The following SLC25A48 variants were observed in gnomAD, a reference collection of about 807,000 sequenced individuals.
SLC25A48 encodes the protein CTC-321K16.1.
Under a neutral mutation model 32.2 loss-of-function variants are expected in SLC25A48, and 29 were observed. The observed-to-expected ratio is 0.90, with a 90% CI of 0.67 to 1.23. The LOEUF (loss-of-function observed/expected upper bound fraction) is 1.23. Among genes scored for constraint, SLC25A48 ranks in the 50% most tolerant of loss-of-function variants. The pLI, the probability that SLC25A48 is intolerant of heterozygous loss-of-function variation, is 0.00. For missense variants in SLC25A48, 399 were observed against 422.7 expected (o/e 0.94, Z 0.49); for synonymous variants, 164 against 172.3 (o/e 0.95, Z 0.38).
At chr5:135,604,376 A>G (rs1751880689) in intron 1 of SLC25A48, among the ~76,000 whole-genome samples, 4 of 152,256 alleles carry the variant, frequency 2.6e-5, no homozygotes, top group Admixed American at 2.6e-4. Flanking sequence ...TCGGGCAGGT[A>G]TAAGTGCCCC....
chr5:135,861,188 T>C (rs577184522), intron 4 of SLC25A48, among the ~76,000 whole-genome samples: 2 of 152,320 alleles, frequency 1.3e-5, no homozygotes, highest in African/African-American at 4.8e-5. Context: ...GACAATTTCA[T>C]GTCCTGTTTT....
chr5:135,729,784 G>T (rs1352711586), intron 3 of SLC25A48, among the ~76,000 whole-genome samples: 1 of 152,108 alleles, frequency 6.6e-6, no homozygotes, highest in Non-Finnish European at 1.5e-5. Flanking sequence ...TCATCTAAAA[G>T]TAATAGGAAG....
intron 4 of SLC25A48, among the ~76,000 whole-genome samples, chr5:135,823,046 G>T (rs553854597): frequency 6.6e-6 from 1 of 152,232 alleles, no homozygotes; most frequent in African/African-American, 2.4e-5. Context: ...TCTGGCTTAG[G>T]ACAGGGACCT....
chr5:135,743,398 G>A (rs1755557353), intron 3 of SLC25A48, among the ~76,000 whole-genome samples: 1 of 151,896 alleles, frequency 6.6e-6, no homozygotes, highest in Admixed American at 6.6e-5. Context: ...TGTGACAGGA[G>A]AGGTACTGCT....
intron 1 of SLC25A48, among the ~76,000 whole-genome samples, chr5:135,599,082 G>A (rs149698817): frequency 3.2e-4 from 48 of 152,210 alleles, no homozygotes; most frequent in South Asian, 4.2e-4. Flanking sequence ...CTCTGGGGTC[G>A]TCTTGGCCAA....
At chr5:135,836,983 ACAC>A (rs1758587425) in intron 1 of SLC25A48, among the ~76,000 whole-genome samples, 4 of 15,140 alleles carry the variant, frequency 2.6e-4, no homozygotes, top group Admixed American at 8.6e-4. Context: ...CCCCCCCCCC[ACAC>A]ACACACACAT....
intron 3 of SLC25A48, among the ~76,000 whole-genome samples, chr5:135,710,913 T>C (rs1580804674): frequency 6.6e-6 from 1 of 152,252 alleles, no homozygotes; most frequent in Non-Finnish European, 1.5e-5. Flanking sequence ...TATTAAGTTC[T>C]TTCCTAAAAA....
Position 135,604,691 on chromosome 5 carries a change from G to A in SLC25A48, c.-848-24546G>A, listed in dbSNP as rs549432877. On this transcript the variant is annotated intron_variant, in intron 1 of 10. Coordinates refer to the SLC25A48 transcript ENST00000646290. ...TAACTCAGAGAGCTGGAGGGACTTT[G>A]ACTAGAGGGGACTTTGAGGTCTTAA... Among the ~76,000 whole-genome samples, 4 of 152,336 alleles carry A rather than the reference G, an allele frequency of 2.6e-5. No individual in the cohort carries two copies. The South Asian group carries it at 8.3e-4, about 32-fold the overall frequency.
intron 6 of SLC25A48, 24 bp downstream of exon 6, chr5:135,874,178 G>C: frequency 7.0e-7 from 1 of 1,424,546 alleles, no homozygotes; most frequent in Non-Finnish European, 9.1e-7. Context: ...AGGCCTGCGG[G>C]GTCAGTGTCA....
intron 1 of SLC25A48, among the ~76,000 whole-genome samples, chr5:135,593,973 T>G (rs1310322413): frequency 6.6e-6 from 1 of 152,240 alleles, no homozygotes; most frequent in Non-Finnish European, 1.5e-5. Context: ...CCACAGGAAC[T>G]GCATCATCTT....
chr5:135,768,156 A>T (rs1273593940), intron 3 of SLC25A48, among the ~76,000 whole-genome samples: 1 of 131,002 alleles, frequency 7.6e-6, no homozygotes, highest in African/African-American at 2.9e-5. Context: ...TGGGGTGTAC[A>T]CCCACTGCGA....
chr5:135,644,646 C>T (rs1404321147), intron 3 of SLC25A48, among the ~76,000 whole-genome samples: 1 of 152,158 alleles, frequency 6.6e-6, no homozygotes, highest in Non-Finnish European at 1.5e-5. Flanking sequence ...CCTGAGGCCA[C>T]CCAGCTGATG....
At chr5:135,874,234 G>A (rs1318634626) in intron 6 of SLC25A48, 80 bp downstream of exon 6, 2 of 1,371,874 alleles carry the variant, frequency 1.5e-6, no homozygotes, top group Non-Finnish European at 1.9e-6. Context: ...TGGGACTATA[G>A]AGAAGGGAAT....
chr5:135,796,181 C>G (rs377011121), intron 3 of SLC25A48, among the ~76,000 whole-genome samples: 14 of 151,602 alleles, frequency 9.2e-5, no homozygotes, highest in African/African-American at 3.1e-4. Context: ...TGTGTTCAGC[C>G]CCCTGTGATA....
intron 3 of SLC25A48, among the ~76,000 whole-genome samples, chr5:135,798,056 A>C (rs1757231305): frequency 6.6e-6 from 1 of 151,940 alleles, no homozygotes; most frequent in Non-Finnish European, 1.5e-5. Flanking sequence ...TATCAAGGGA[A>C]AAGAGAATGA....
At chr5:135,876,554 GA>G (rs1459473769) in intron 6 of SLC25A48, among the ~76,000 whole-genome samples, 1 of 151,988 alleles carries the variant, frequency 6.6e-6, no homozygotes, top group Non-Finnish European at 1.5e-5. Flanking sequence ...GGTAATGTAT[GA>G]ACATAGGAAG....
intron 7 of SLC25A48, among the ~76,000 whole-genome samples, chr5:135,882,459 T>A (rs1036148181): frequency 6.6e-6 from 1 of 152,156 alleles, no homozygotes. Flanking sequence ...GGTGCCAAGC[T>A]GTCCCTAAGA....
chr5:135,684,966 T>G (rs756346801), intron 3 of SLC25A48, among the ~76,000 whole-genome samples: 8 of 152,206 alleles, frequency 5.3e-5, no homozygotes, highest in Non-Finnish European at 1.0e-4. Flanking sequence ...ACACTTTTCA[T>G]TTGGAAGCTA....
At chr5:135,695,900 A>C (rs1468845046) in intron 3 of SLC25A48, among the ~76,000 whole-genome samples, 3 of 152,296 alleles carry the variant, frequency 2.0e-5, no homozygotes, top group African/African-American at 7.2e-5. Flanking sequence ...AAAATGCAAA[A>C]GTCTCTCCAA....
Sources: gnomAD v4.1 joint callset for allele counts (sites outside exome capture counted in the v4.1 genomes callset) on GRCh38, gnomAD v4.1.1 for gene constraint, MANE v1.5 for transcripts, NCBI Gene and HGNC (gene_info 2026-07-23, HGNC 2026-07-21) for gene names.